The following FOXRED2 variants were observed in gnomAD, a reference collection of about 807,000 sequenced individuals.
FOXRED2 encodes FAD-dependent oxidoreductase domain-containing protein 2.
A neutral mutation model predicts 52.5 loss-of-function variants in FOXRED2; 32 were observed. That is an observed-to-expected ratio of 0.61 (90% CI 0.46 to 0.82). The LOEUF is 0.82. Ranked by LOEUF, FOXRED2 falls within the 40% of genes least tolerant of loss-of-function variation. The pLI, the probability that FOXRED2 is intolerant of heterozygous loss-of-function variation, is 0.00. For synonymous variants in FOXRED2, 405 were observed against 398.1 expected (o/e 1.02, Z -0.21); for missense variants, 848 against 937.5 (o/e 0.90, Z 1.25).
chr22:36,489,951 A>G lies in FOXRED2; in HGVS notation c.*57T>C. 2 of 1,491,810 alleles carry G rather than the reference A, an allele frequency of 1.3e-6. No homozygotes were observed. Among genetic ancestry groups the G allele is most frequent in the East Asian group, 2.3e-5 (1 of 43,096 alleles). 92.4% of individuals were successfully genotyped at this position (1,491,810 alleles called of 1,614,324 possible). A position where few individuals can be genotyped will look rare whatever the true frequency, so the allele number is the denominator to read the frequency against. On this transcript the variant is annotated 3_prime_UTR_variant, in exon 9 of 9. Transcript: ENST00000397224. ...TGAGGTTGCGGGGAAAGAGGGACTG[A>G]CCATGGGCCTAGGTGGGGAGGCCTG...
chr22:36,506,349 A>C lies in FOXRED2; in HGVS notation c.74T>G (p.Leu25Arg). ...LLLAIALHPA[L>R]SVPPRRDYCV... ...GTAGTCCCGGCGCGGGGGCACCGAC[A>C]GCGCTGGGTGCAGGGCGATGGCCAG... The change falls in exon 2 of 9, where the codon CTG becomes CGG. Residue 25 changes from leucine (L) to arginine (R), a missense_variant. Coordinates refer to ENST00000397224, the MANE Select transcript of FOXRED2 (RefSeq NM_001102371.2). 2 of 1,480,524 alleles carry C rather than the reference A, an allele frequency of 1.4e-6. No homozygotes were observed. Among genetic ancestry groups the C allele is most frequent in the South Asian group, 2.7e-5 (2 of 75,166 alleles). 91.7% of individuals were successfully genotyped at this position (1,480,524 alleles called of 1,614,324 possible). A position where few individuals can be genotyped will look rare whatever the true frequency, so the allele number is the denominator to read the frequency against.
Position 36,488,613 on chromosome 22 carries a change from C to T in FOXRED2, c.*1395G>A, listed in dbSNP as rs1173102350. 1 of 149,924 alleles carries T rather than the reference C, an allele frequency of 6.7e-6. No homozygotes were observed. The highest frequency in any genetic ancestry group is 2.5e-5 in the African/African-American group (1 of 40,680). 9.3% of individuals were successfully genotyped at this position (149,924 alleles called of 1,614,324 possible). A position where few individuals can be genotyped will look rare whatever the true frequency, so the allele number is the denominator to read the frequency against. Reference sequence around the variant, plus strand: ...ACTTATTTTTTGAGATGGAGTTTCCCTCTTGTTACCTAGGCTGGAGTGCAA... The same window carrying T: ...ACTTATTTTTTGAGATGGAGTTTCCTTCTTGTTACCTAGGCTGGAGTGCAA... On this transcript the variant is annotated 3_prime_UTR_variant, in exon 9 of 9. Transcript: ENST00000397224.
At chr22:36,494,325 C>T (rs1933837868) in intron 7 of FOXRED2, among the ~76,000 whole-genome samples, 1 of 152,110 alleles carries the variant, frequency 6.6e-6, no homozygotes, top group Non-Finnish European at 1.5e-5. Flanking sequence ...TAGTCTCTAC[C>T]ATGTTGGCCA....
chr22:36,497,790 T>A (rs1568989266), intron 6 of FOXRED2, among the ~76,000 whole-genome samples: 1 of 152,204 alleles, frequency 6.6e-6, no homozygotes, highest in East Asian at 1.9e-4. Flanking sequence ...TCAGAGAGGC[T>A]CACTAATGTG....
At chr22:36,495,559 T>C (rs2145844699) in intron 7 of FOXRED2, among the ~76,000 whole-genome samples, 1 of 152,324 alleles carries the variant, frequency 6.6e-6, no homozygotes, top group Middle Eastern at 3.4e-3. Flanking sequence ...GGTTAAGTAA[T>C]GGTCCAAGGT....
chr22:36,489,128 A>G lies in FOXRED2; in HGVS notation c.*880T>C, dbSNP rs1240893114. ...ATGGGTGCCAGCCCGAGACAGCAGG[A>G]TAAGTTTCACAAAACTTGACCAGGC... On this transcript the variant is annotated 3_prime_UTR_variant, in exon 9 of 9. Coordinates refer to ENST00000397224, the MANE Select transcript of FOXRED2 (RefSeq NM_001102371.2). 2.0e-5 allele frequency: 3 copies of G among 152,276 alleles called. No homozygotes were observed. The highest frequency in any genetic ancestry group is 1.9e-4 in the East Asian group (1 of 5,204). The allele number at this position is 152,276 out of a possible 1,614,324, so 9.4% of individuals were successfully genotyped here. A position where few individuals can be genotyped will look rare whatever the true frequency, so the allele number is the denominator to read the frequency against.
At position 36,496,046 on chromosome 22, in the gene FOXRED2, C is replaced by T; in HGVS notation, c.1545G>A (p.Arg515=). Residue 515 remains arginine (R), a synonymous_variant, in exon 7 of 9, where the codon CGG becomes CGA. Coordinates refer to ENST00000397224, the MANE Select transcript of FOXRED2 (RefSeq NM_001102371.2). ...GPDKDVFFDD[R]SVGHTEDAWQ... ...AGGCATCTTCTGTGTGCCCCACAGA[C>T]CGGTCATCAAAGAAGACGTCCTTGT... 1 of 1,614,240 alleles carries T rather than the reference C, an allele frequency of 6.2e-7. No homozygotes were observed. Among genetic ancestry groups the T allele is most frequent in the South Asian group, 1.1e-5 (1 of 91,086 alleles).
intron 8 of FOXRED2, among the ~76,000 whole-genome samples, 174 bp downstream of exon 8, chr22:36,493,459 A>G (rs977486351): frequency 1.3e-5 from 2 of 151,710 alleles, no homozygotes. Flanking sequence ...AAAAGAAGAC[A>G]TATTATCCAT....
intron 8 of FOXRED2, among the ~76,000 whole-genome samples, chr22:36,491,943 T>G (rs1422046106): frequency 6.6e-6 from 1 of 152,126 alleles, no homozygotes; most frequent in Non-Finnish European, 1.5e-5. Flanking sequence ...AGGAATGGGC[T>G]GGAGTCCTTC....
chr22:36,493,910 C>T, intron 7 of FOXRED2, 107 bp from the exon 8 acceptor site: 1 of 980,924 alleles, frequency 1.0e-6, no homozygotes. Context: ...CCCTCGTTCA[C>T]TCGTGCTCGG....
intron 4 of FOXRED2, 44 bp downstream of exon 4, chr22:36,504,054 G>A: frequency 6.3e-7 from 1 of 1,592,412 alleles, no homozygotes; most frequent in Non-Finnish European, 8.6e-7. Context: ...GAGGGGTCAG[G>A]AGGGTTTGCT....
In FOXRED2 at chr22:36,495,984, T is replaced by C. The variant is rs1186813762; in HGVS notation, c.1607A>G (p.Tyr536Cys). The C allele has an allele frequency of 5.6e-6, 9 of 1,614,162 alleles. No homozygotes were observed. The highest frequency in any genetic ancestry group is 3.3e-5 in the Admixed American group (2 of 60,022). ...SNFLHPVIYYYRYLPTEQEVR... is the reference protein window; with the variant it reads ...SNFLHPVIYYCRYLPTEQEVR... ...CTGCTCACCGGTGGGGAGGTATCTA[T>C]AGTAGTAGATGACAGGATGAAGAAA... The change falls in exon 7 of 9, where the codon TAT becomes TGT. Residue 536 changes from tyrosine to cysteine, a missense_variant. Coordinates refer to ENST00000397224, the MANE Select transcript of FOXRED2 (RefSeq NM_001102371.2).
intron 7 of FOXRED2, among the ~76,000 whole-genome samples, chr22:36,495,755 G>A (rs746081903): frequency 6.6e-6 from 1 of 152,200 alleles, no homozygotes; most frequent in African/African-American, 2.4e-5. Context: ...GACACCCCCC[G>A]CATGGCCTGT....
intron 2 of FOXRED2, among the ~76,000 whole-genome samples, chr22:36,505,488 G>T (rs796891625): frequency 1.3e-5 from 2 of 152,332 alleles, no homozygotes; most frequent in African/African-American, 4.8e-5. Flanking sequence ...AGAATTGAAG[G>T]CCGGGTGCGG....
intron 6 of FOXRED2, 106 bp from the exon 7 acceptor site, chr22:36,496,314 G>C: frequency 7.2e-7 from 1 of 1,387,462 alleles, no homozygotes; most frequent in South Asian, 1.3e-5. Context: ...CCCCTCTAAG[G>C]AGCGTCAATC....
intron 7 of FOXRED2, 86 bp from the exon 8 acceptor site, chr22:36,493,889 C>T: frequency 2.6e-6 from 3 of 1,163,816 alleles, no homozygotes; most frequent in Non-Finnish European, 3.7e-6. Flanking sequence ...TCCCACACAG[C>T]CCAAACACTT....
intron 6 of FOXRED2, among the ~76,000 whole-genome samples, chr22:36,496,413 A>T (rs1159488674): frequency 6.6e-6 from 1 of 152,218 alleles, no homozygotes; most frequent in Non-Finnish European, 1.5e-5. Context: ...ATGTAACCTG[A>T]ATGGGATATC....
At chr22:36,500,366 C>T (rs1934011460) in intron 5 of FOXRED2, among the ~76,000 whole-genome samples, 1 of 152,186 alleles carries the variant, frequency 6.6e-6, no homozygotes, top group Non-Finnish European at 1.5e-5. Flanking sequence ...AGTCACCCAA[C>T]ATGCGTGAAT....
In FOXRED2 at chr22:36,488,321, C is replaced by T. The variant is rs1400558710; in HGVS notation, c.*1687G>A. ...TCACCTAGGCTGGAGTACAGTGGCT[C>T]GGTCTCTGCTCACTGCAACCTCCAC... On this transcript the variant is annotated 3_prime_UTR_variant, in exon 9 of 9. Coordinates refer to ENST00000397224, the MANE Select transcript of FOXRED2 (RefSeq NM_001102371.2). 2.6e-5 allele frequency: 4 copies of T among 152,190 alleles called. No individual in the cohort carries two copies. Among genetic ancestry groups the T allele is most frequent in the African/African-American group, 7.2e-5 (3 of 41,496 alleles). 9.4% of individuals were successfully genotyped at this position (152,190 alleles called of 1,614,324 possible). A position where few individuals can be genotyped will look rare whatever the true frequency, so the allele number is the denominator to read the frequency against.
Sources: allele counts gnomAD v4.1 joint callset (sites outside exome capture counted in the v4.1 genomes callset), GRCh38; gene constraint gnomAD v4.1.1; transcripts MANE v1.5; gene names NCBI Gene and HGNC (gene_info 2026-07-23, HGNC 2026-07-21).